CCDC122: variants seen among roughly 807,000 people sequenced by gnomAD.
CCDC122 encodes the protein coiled-coil domain-containing protein 122.
A neutral mutation model predicts 37.0 loss-of-function variants in CCDC122; 38 were observed. That is an observed-to-expected ratio of 1.03 (90% CI 0.79 to 1.35). The LOEUF (loss-of-function observed/expected upper bound fraction) is 1.35, where lower values mean the gene tolerates loss of function less well. Ranked by LOEUF, CCDC122 falls within the 40% of genes most tolerant of loss-of-function variation. The pLI, the probability that CCDC122 is intolerant of heterozygous loss-of-function variation, is 0.00. For missense variants in CCDC122, 305 were observed against 310.0 expected (o/e 0.98, Z 0.12); for synonymous variants, 83 against 95.6 (o/e 0.87, Z 0.77).
rs369885255 is a variant in CCDC122, at chr13:43,858,755, T to C, written c.672+26A>G. 23 of 1,344,596 alleles carry C rather than the reference T, an allele frequency of 1.7e-5. No individual in the cohort carries two copies. In the African/African-American group the frequency reaches 1.8e-4, roughly 11 times the overall value. The allele number at this position is 1,344,596 out of a possible 1,614,324, so 83.3% of individuals were successfully genotyped here. On this transcript the variant is annotated intron_variant, in intron 6 of 6. Transcript: ENST00000444614. ...GTTTTAAAAATGGTCCCATAAAACA[T>C]TGAAATCTAGATAATTAAGACTTAC...
intron 6 of CCDC122, among the ~76,000 whole-genome samples, chr13:43,853,577 A>C (rs1953814957): frequency 6.6e-6 from 1 of 152,214 alleles, no homozygotes; most frequent in Non-Finnish European, 1.5e-5. Flanking sequence ...TATTAGACAG[A>C]TCATCAAGAG....
intron 4 of CCDC122, among the ~76,000 whole-genome samples, chr13:43,866,044 A>C (rs1954265813): frequency 1.3e-5 from 2 of 152,184 alleles, no homozygotes; most frequent in South Asian, 4.1e-4. Context: ...CTAAGTGACT[A>C]ATGAATGGGT....
chr13:43,868,446 T>C (rs1240373008), intron 4 of CCDC122, among the ~76,000 whole-genome samples: 1 of 152,148 alleles, frequency 6.6e-6, no homozygotes, highest in Non-Finnish European at 1.5e-5. Flanking sequence ...AAAATAATTC[T>C]ATCTAACATG....
At chr13:43,834,910 C>T (rs1953126561), downstream of CCDC122, among the ~76,000 whole-genome samples, 1 of 152,094 alleles carries the variant, frequency 6.6e-6, no homozygotes, top group Non-Finnish European at 1.5e-5. Flanking sequence ...GGCGATTCCT[C>T]AGGGATCTAG....
chr13:43,843,254 T>C (rs2325087), intron 6 of CCDC122, among the ~76,000 whole-genome samples: 2 of 151,898 alleles, frequency 1.3e-5, no homozygotes, highest in Non-Finnish European at 2.9e-5. Flanking sequence ...GCTATTCTCA[T>C]AAAATTTGTT....
Position 43,859,731 on chromosome 13 carries a change from T to A in CCDC122, c.496A>T (p.Lys166Ter), listed in dbSNP as rs1954045364. 1 of 1,595,190 alleles carries A rather than the reference T, an allele frequency of 6.3e-7. No individual in the cohort carries two copies. ...RDFVKKLKTM[K>*]EELMQDLQNP... ...TGAAGATCTTGCATAAGTTCTTCTT[T>A]CATTGTCTTTAATTTTTTAACAAAA... is the stretch of plus-strand genomic sequence containing the variant. Residue 166 changes from lysine (K) to a stop codon, truncating the protein, a stop_gained, in exon 5 of 7, where the codon AAA becomes TAA. Transcript: ENST00000444614. LOFTEE classifies it high-confidence loss of function.
At chr13:43,877,055 C>T (rs555108396) in intron 1 of CCDC122, among the ~76,000 whole-genome samples, 15 of 152,180 alleles carry the variant, frequency 9.9e-5, no homozygotes, top group Admixed American at 3.3e-4. Context: ...TGCAGTGAGC[C>T]GAGATCGCAC....
intron 1 of CCDC122, among the ~76,000 whole-genome samples, chr13:43,878,335 G>A (rs1421710569): frequency 1.3e-5 from 2 of 152,106 alleles, no homozygotes; most frequent in Non-Finnish European, 2.9e-5. Flanking sequence ...TTCTGATTGG[G>A]TGTACCATCT....
chr13:43,819,239 T>C (rs1467518192), downstream of CCDC122, among the ~76,000 whole-genome samples: 3 of 152,162 alleles, frequency 2.0e-5, no homozygotes, highest in Non-Finnish European at 2.9e-5. Flanking sequence ...TTGGTGTGAT[T>C]ATAAAAATGG....
intron 6 of CCDC122, among the ~76,000 whole-genome samples, chr13:43,846,992 A>G (rs998250889): frequency 8.5e-5 from 13 of 152,232 alleles, no homozygotes; most frequent in African/African-American, 3.1e-4. Flanking sequence ...TGACCCAGTA[A>G]TTCTACTTCT....
chr13:43,841,774 G>C (rs1953361169), intron 6 of CCDC122, among the ~76,000 whole-genome samples: 1 of 152,192 alleles, frequency 6.6e-6, no homozygotes, highest in South Asian at 2.1e-4. Flanking sequence ...GCAGTGGCAT[G>C]ATCACAGATC....
At chr13:43,875,662 T>C (rs1006362744) in intron 1 of CCDC122, among the ~76,000 whole-genome samples, 1 of 152,192 alleles carries the variant, frequency 6.6e-6, no homozygotes, top group Non-Finnish European at 1.5e-5. Flanking sequence ...AGACAAACTA[T>C]AACAATTGTC....
At chr13:43,834,106 C>G (rs926438447), downstream of CCDC122, among the ~76,000 whole-genome samples, 5 of 152,050 alleles carry the variant, frequency 3.3e-5, no homozygotes, top group African/African-American at 1.2e-4. Context: ...TAAGAAAGAA[C>G]AGAGATATAG....
At chr13:43,825,499 G>T (rs1026721009) in intron 3 of CCDC122, among the ~76,000 whole-genome samples, 1 of 151,986 alleles carries the variant, frequency 6.6e-6, no homozygotes, top group Non-Finnish European at 1.5e-5. Context: ...GCCAGGGATG[G>T]TGGCTCACGC....
chr13:43,870,783 G>C (rs370147559), intron 2 of CCDC122, among the ~76,000 whole-genome samples: 14 of 152,204 alleles, frequency 9.2e-5, no homozygotes, highest in African/African-American at 3.1e-4. Context: ...TGTAAGATAT[G>C]TGATTTGAAT....
chr13:43,850,483 TAAGA>T (rs1157978941), intron 6 of CCDC122, among the ~76,000 whole-genome samples: 1 of 151,956 alleles, frequency 6.6e-6, no homozygotes, highest in Non-Finnish European at 1.5e-5. Context: ...ATATAAGATA[TAAGA>T]AAGACTCAAA....
intron 3 of CCDC122, among the ~76,000 whole-genome samples, chr13:43,825,518 C>T (rs1226434309): frequency 2.0e-5 from 3 of 152,030 alleles, no homozygotes; most frequent in Non-Finnish European, 4.4e-5. Flanking sequence ...GCCTATAATC[C>T]CAGTATTTTG....
downstream of CCDC122, among the ~76,000 whole-genome samples, chr13:43,820,782 C>A (rs888693397): frequency 3.3e-5 from 5 of 152,162 alleles, no homozygotes; most frequent in African/African-American, 1.2e-4. Flanking sequence ...TTTCTCATCT[C>A]TAAAATGAGA....
At chr13:43,829,217 C>T (rs972996384) in intron 3 of CCDC122, among the ~76,000 whole-genome samples, 2 of 152,150 alleles carry the variant, frequency 1.3e-5, no homozygotes, top group South Asian at 2.1e-4. Context: ...GAGTTAATTG[C>T]TCTTCGTCTG....
Sources: allele counts gnomAD v4.1 joint callset (sites outside exome capture counted in the v4.1 genomes callset), GRCh38; gene constraint gnomAD v4.1.1; transcripts MANE v1.5; gene names NCBI Gene and HGNC (gene_info 2026-07-23, HGNC 2026-07-21).